HMGB1: variants seen among roughly 807,000 people sequenced by gnomAD.
HMGB1 encodes high mobility group protein B1.
For missense variants in HMGB1, 79 were observed against 253.5 expected (o/e 0.31, Z 4.67); for synonymous variants, 81 against 84.0 (o/e 0.96, Z 0.19).
rs781657723 is a variant in HMGB1, at chr13:30,538,703, T to TTCTTTC, written c.-14-75010_-14-75009insGAAAGA. Among the ~76,000 whole-genome samples, 58 of 115,320 alleles carry TTCTTTC rather than the reference T, an allele frequency of 5.0e-4. 2 individuals are homozygous for TTCTTTC. Among genetic ancestry groups the TTCTTTC allele is most frequent in the African/African-American group, 2.3e-3 (55 of 23,752 alleles). 75.7% of individuals were successfully genotyped at this position (115,320 alleles called of 152,430 possible). ...TTCTTTCCTTTCTTTCTTTCTTTCT[T>TTCTTTC]TTTCTTTCTTTCTTCTTTTTCTTTC... On this transcript the variant is annotated intron_variant, in intron 1 of 4. Transcript: ENST00000405805.
At chr13:30,498,977 G>A (rs1489771658) in intron 1 of HMGB1, among the ~76,000 whole-genome samples, 5 of 148,504 alleles carry the variant, frequency 3.4e-5, no homozygotes, top group Non-Finnish European at 7.4e-5. Flanking sequence ...TTTTGAGAAG[G>A]AGTCTTGCTC....
At chr13:30,496,378 A>G (rs1404676898) in intron 1 of HMGB1, among the ~76,000 whole-genome samples, 3 of 152,216 alleles carry the variant, frequency 2.0e-5, no homozygotes, top group Non-Finnish European at 4.4e-5. Context: ...AGCCTGGCAC[A>G]TGGGCCTCCC....
At chr13:30,486,002 C>A (rs1209583621) in intron 1 of HMGB1, among the ~76,000 whole-genome samples, 1 of 152,172 alleles carries the variant, frequency 6.6e-6, no homozygotes, top group Admixed American at 6.5e-5. Context: ...GATTTCTATT[C>A]ATGCTTTTTC....
At chr13:30,615,678 A>G (rs1950553447) in intron 1 of HMGB1, among the ~76,000 whole-genome samples, 1 of 152,290 alleles carries the variant, frequency 6.6e-6, no homozygotes, top group East Asian at 1.9e-4. Flanking sequence ...TTATGAGACT[A>G]AAAAAGAAAT....
At chr13:30,568,393 G>A (rs1870283373) in intron 1 of HMGB1, among the ~76,000 whole-genome samples, 1 of 152,138 alleles carries the variant, frequency 6.6e-6, no homozygotes, top group Admixed American at 6.6e-5. Context: ...TGAAGTTCCA[G>A]CTACTTGAGA....
chr13:30,519,374 CAG>C (rs1888177278), intron 1 of HMGB1, among the ~76,000 whole-genome samples: 1 of 142,472 alleles, frequency 7.0e-6, no homozygotes, highest in African/African-American at 2.7e-5. Flanking sequence ...GCCTGAGTGA[CAG>C]AGTGACACTC....
At chr13:30,528,484 A>G (rs898286849) in intron 1 of HMGB1, among the ~76,000 whole-genome samples, 29 of 152,324 alleles carry the variant, frequency 1.9e-4, no homozygotes, top group African/African-American at 6.5e-4. Flanking sequence ...GACTGAGTTT[A>G]CACAAACTTG....
At chr13:30,579,472 G>A (rs190574254) in intron 1 of HMGB1, among the ~76,000 whole-genome samples, 5 of 152,130 alleles carry the variant, frequency 3.3e-5, no homozygotes, top group South Asian at 4.1e-4. Flanking sequence ...TATTATTTTC[G>A]TAATAACCTC....
At chr13:30,606,943 CACTT>C (rs1385186010) in intron 1 of HMGB1, among the ~76,000 whole-genome samples, 2 of 152,224 alleles carry the variant, frequency 1.3e-5, no homozygotes, top group Non-Finnish European at 2.9e-5. Context: ...CAAGTTTCCT[CACTT>C]ACACTGTAAG....
At chr13:30,538,577 TTTC>T (rs1868634116) in intron 1 of HMGB1, among the ~76,000 whole-genome samples, 2 of 144,542 alleles carry the variant, frequency 1.4e-5, no homozygotes, top group Admixed American at 1.4e-4. Context: ...TTTTTCTTTC[TTTC>T]TTTCTTTTTC....
upstream of HMGB1, among the ~76,000 whole-genome samples, chr13:30,470,891 C>T (rs554042315): frequency 6.6e-5 from 10 of 152,146 alleles, no homozygotes; most frequent in Middle Eastern, 6.8e-3. Context: ...TTAGGTGATC[C>T]ACCCGCCTCA....
chr13:30,519,290 G>A (rs1289667867), intron 1 of HMGB1, among the ~76,000 whole-genome samples: 1 of 151,776 alleles, frequency 6.6e-6, no homozygotes, highest in Non-Finnish European at 1.5e-5. Flanking sequence ...CTACTCGGGA[G>A]GCTGAGGCAG....
At chr13:30,588,396 G>A (rs533753757) in intron 1 of HMGB1, among the ~76,000 whole-genome samples, 2 of 152,194 alleles carry the variant, frequency 1.3e-5, no homozygotes, top group Non-Finnish European at 2.9e-5. Flanking sequence ...TGTAGAACAG[G>A]GGAAAGGAGT....
chr13:30,594,711 G>A (rs1427949934), intron 1 of HMGB1, among the ~76,000 whole-genome samples: 5 of 152,132 alleles, frequency 3.3e-5, no homozygotes, highest in Non-Finnish European at 7.3e-5. Context: ...TGTCTTTCTG[G>A]CAGAATGATT....
At chr13:30,554,061 G>T (rs1869561128) in intron 1 of HMGB1, 1 of 1,376,920 alleles carries the variant, frequency 7.3e-7, no homozygotes, top group South Asian at 1.2e-5. Flanking sequence ...GCCAACAGAT[G>T]ACCAAAAGAT....
intron 1 of HMGB1, among the ~76,000 whole-genome samples, chr13:30,480,331 G>C (rs1295534484): frequency 6.6e-6 from 1 of 152,166 alleles, no homozygotes; most frequent in Non-Finnish European, 1.5e-5. Context: ...GAGATGTGTA[G>C]AATATTCACT....
chr13:30,466,141 G>A (rs1565996564), upstream of HMGB1, among the ~76,000 whole-genome samples: 1 of 152,316 alleles, frequency 6.6e-6, no homozygotes, highest in Middle Eastern at 3.4e-3. Context: ...AGAGGCAGAG[G>A]CAGCAGCTGC....
At chr13:30,585,263 T>C (rs1267707141) in intron 1 of HMGB1, among the ~76,000 whole-genome samples, 1 of 151,692 alleles carries the variant, frequency 6.6e-6, no homozygotes, top group East Asian at 1.9e-4. Context: ...CAGTGAGCCC[T>C]GGGTAGCCCG....
intron 1 of HMGB1, among the ~76,000 whole-genome samples, chr13:30,605,377 G>A (rs951144319): frequency 2.0e-5 from 3 of 152,288 alleles, no homozygotes; most frequent in South Asian, 4.1e-4. Context: ...GACGAGATCC[G>A]AGCCCAGAGG....
Sources: gnomAD v4.1 joint callset for allele counts (sites outside exome capture counted in the v4.1 genomes callset) on GRCh38, gnomAD v4.1.1 for gene constraint, MANE v1.5 for transcripts, NCBI Gene and HGNC (gene_info 2026-07-23, HGNC 2026-07-21) for gene names.